ADPGK: variants seen among roughly 807,000 people sequenced by gnomAD.
The protein encoded by ADPGK is ADP dependent glucokinase.
In ADPGK, 26 loss-of-function variants were observed where a neutral mutation model predicts 42.4. The observed-to-expected ratio is 0.61, with a 90% confidence interval of 0.45 to 0.85. The LOEUF (loss-of-function observed/expected upper bound fraction) is 0.85. ADPGK is among the 40% of genes least tolerant of loss of function. The probability of loss-of-function intolerance (pLI) is 0.00; values close to 1 mark genes in which losing one functional copy is unlikely to be tolerated. For synonymous variants in ADPGK, 267 were observed against 252.6 expected (o/e 1.06, Z -0.54); for missense variants, 571 against 627.0 (o/e 0.91, Z 0.95).
At chr15:72,776,016 T>TTG (rs1225971929) in intron 1 of ADPGK, among the ~76,000 whole-genome samples, 3 of 152,212 alleles carry the variant, frequency 2.0e-5, no homozygotes, top group Non-Finnish European at 2.9e-5. Context: ...TTAAATACTT[T>TTG]TGTGCATGAA....
intron 6 of ADPGK, among the ~76,000 whole-genome samples, chr15:72,753,646 T>C (rs544288424): frequency 6.6e-6 from 1 of 152,220 alleles, no homozygotes; most frequent in Non-Finnish European, 1.5e-5. Context: ...TACATCTTTG[T>C]TGGAGCAATA....
At chr15:72,759,077 A>G (rs1443895182) in intron 4 of ADPGK, among the ~76,000 whole-genome samples, 1 of 152,188 alleles carries the variant, frequency 6.6e-6, no homozygotes, top group Non-Finnish European at 1.5e-5. Context: ...AGCTGGGATT[A>G]TAGGCGCCCG....
chr15:72,772,883 C>T lies in ADPGK; in HGVS notation c.460-1038G>A, dbSNP rs111979123. On this transcript the variant is annotated intron_variant, in intron 2 of 6. Transcript: ENST00000456471. The stretch of plus-strand genomic sequence containing the variant: ...TGTTGCTAAGGATGGATCCATATGC[C>T]TTGGAAATCTGACACATAACAGCTA... 2.6e-3 allele frequency among the ~76,000 whole-genome samples: 390 copies of T among 152,126 alleles called. 3 individuals are homozygous for T. Among genetic ancestry groups the T allele is most frequent in the African/African-American group, 8.9e-3 (369 of 41,482 alleles).
intron 1 of ADPGK, among the ~76,000 whole-genome samples, chr15:72,777,928 A>C (rs192413693): frequency 3.5e-4 from 54 of 152,180 alleles, no homozygotes; most frequent in Non-Finnish European, 6.5e-4. Context: ...AGACTGGTTC[A>C]CAGTTTACTT....
chr15:72,773,945 T>C (rs1022914381), intron 2 of ADPGK, among the ~76,000 whole-genome samples: 26 of 152,330 alleles, frequency 1.7e-4, no homozygotes, highest in Non-Finnish European at 1.9e-4. Context: ...CATGGTTCAC[T>C]GCAGCCTTGA....
At chr15:72,783,152 AGAG>A (rs1177652867) in intron 1 of ADPGK, 1 of 1,073,158 alleles carries the variant, frequency 9.3e-7, no homozygotes, top group Non-Finnish European at 1.2e-6. Flanking sequence ...AGTCGCCAGA[AGAG>A]AAGGGGCTAA....
In ADPGK at chr15:72,759,410, G is replaced by A. The variant is rs544470895; in HGVS notation, c.643+997C>T. On this transcript the variant is annotated intron_variant, in intron 4 of 6. Transcript: ENST00000456471. Reference sequence around the variant, plus strand: ...TTAAGTATGAATTGCCTACGTCAACGCTGTGTCCCTAATTTTCAGACCCTA... The same window carrying A: ...TTAAGTATGAATTGCCTACGTCAACACTGTGTCCCTAATTTTCAGACCCTA... Among the ~76,000 whole-genome samples the A allele has an allele frequency of 6.6e-5, 10 of 152,286 alleles. No individual in the cohort carries two copies. The South Asian group carries it at 1.2e-3, about 19-fold the overall frequency.
At chr15:72,761,112 C>A (rs1213295167) in intron 3 of ADPGK, among the ~76,000 whole-genome samples, 5 of 152,156 alleles carry the variant, frequency 3.3e-5, no homozygotes, top group African/African-American at 7.2e-5. Flanking sequence ...CTTGCTGGAA[C>A]CTTGTTCTGG....
chr15:72,783,701 G>A lies in ADPGK; in HGVS notation c.-10C>T, dbSNP rs575167722. ...CGCGCCACAGCGCCATGGGGACCCAGGCGCCGCACCTGCGCGAACCAACTC... is the reference window on the plus strand; with the variant it reads ...CGCGCCACAGCGCCATGGGGACCCAAGCGCCGCACCTGCGCGAACCAACTC... On this transcript the variant is annotated 5_prime_UTR_variant, in exon 1 of 7. Transcript: ENST00000456471. 1 of 1,465,452 alleles carries A rather than the reference G, an allele frequency of 6.8e-7. No individual in the cohort carries two copies. The highest frequency in any genetic ancestry group is 9.0e-7 in the Non-Finnish European group (1 of 1,115,456). 90.8% of individuals were successfully genotyped at this position (1,465,452 alleles called of 1,614,324 possible).
In ADPGK at chr15:72,771,774, T is replaced by C. The variant is rs745690854; in HGVS notation, c.522+9A>G. 6.2e-7 allele frequency: 1 copy of C among 1,610,884 alleles called. No homozygotes were observed. Among genetic ancestry groups the C allele is most frequent in the Admixed American group, 1.7e-5 (1 of 59,426 alleles). ...AAGGCATAGGTTTTAATCTAAAAAC[T>C]TGACCTACCTTTAAATCTGAGTTGG... On this transcript the variant is annotated intron_variant, in intron 3 of 6. Coordinates refer to ENST00000456471, the MANE Select transcript of ADPGK (RefSeq NM_001365225.1).
chr15:72,774,508 C>T (rs867599891), intron 2 of ADPGK, among the ~76,000 whole-genome samples: 2 of 152,196 alleles, frequency 1.3e-5, no homozygotes, highest in Non-Finnish European at 2.9e-5. Flanking sequence ...TTGGAAACCA[C>T]TAAGGTTCTA....
At chr15:72,776,537 T>C (rs370699101) in intron 1 of ADPGK, among the ~76,000 whole-genome samples, 2 of 152,358 alleles carry the variant, frequency 1.3e-5, no homozygotes, top group East Asian at 1.9e-4. Context: ...CCTTTTAGTC[T>C]CTTTCAAAAA....
rs777866743 is a variant in ADPGK, at chr15:72,755,522, G to A, written c.939+34C>T. ...AAAGCTTCTCTGCAAGGCTCTATGA[G>A]GATCAGGGCCAAACGATGGTCCCAT... On this transcript the variant is annotated intron_variant, in intron 6 of 6. Transcript: ENST00000456471. 26 of 1,531,878 alleles carry A rather than the reference G, an allele frequency of 1.7e-5. No individual in the cohort carries two copies. The East Asian group carries it at 4.9e-4, about 29-fold the overall frequency. The allele number at this position is 1,531,878 out of a possible 1,614,324, so 94.9% of individuals were successfully genotyped here. A position where few individuals can be genotyped will look rare whatever the true frequency, so the allele number is the denominator to read the frequency against.
chr15:72,766,786 T>A (rs953842209), intron 3 of ADPGK, among the ~76,000 whole-genome samples: 13 of 151,444 alleles, frequency 8.6e-5, no homozygotes, highest in Non-Finnish European at 1.9e-4. Flanking sequence ...ATGCAACCAC[T>A]AAGAAAAAAA....
At chr15:72,760,007 A>C (rs1163869376) in intron 4 of ADPGK, among the ~76,000 whole-genome samples, 3 of 152,246 alleles carry the variant, frequency 2.0e-5, no homozygotes, top group African/African-American at 7.2e-5. Flanking sequence ...AGCTTGGAAG[A>C]GTCAGTCAGA....
intron 6 of ADPGK, among the ~76,000 whole-genome samples, chr15:72,754,958 A>G (rs944171872): frequency 6.6e-6 from 1 of 152,230 alleles, no homozygotes; most frequent in African/African-American, 2.4e-5. Context: ...GGGAGACTTC[A>G]TTGTATATCT....
rs1039428142 is a variant in ADPGK, at chr15:72,783,608, T to C, written c.84A>G (p.Pro28=). The C allele has an allele frequency of 6.6e-7, 1 of 1,516,372 alleles. No homozygotes were observed. Among genetic ancestry groups the C allele is most frequent in the Admixed American group, 2.0e-5 (1 of 49,406 alleles). The allele number at this position is 1,516,372 out of a possible 1,614,324, so 93.9% of individuals were successfully genotyped here. A position where few individuals can be genotyped will look rare whatever the true frequency, so the allele number is the denominator to read the frequency against. The change falls in exon 1 of 7, where the codon CCA becomes CCG. Residue 28 remains proline (P), a synonymous_variant. Coordinates refer to ENST00000456471, the MANE Select transcript of ADPGK (RefSeq NM_001365225.1). ...TCCAGAGAGAGCGCAGCGCCGAGCC[T>C]GGCAGCTCTGGCTCCAGCAGGAAGA... ...GCVFLLEPEL[P]GSALRSLWSS...
chr15:72,777,842 A>T (rs1233918569), intron 1 of ADPGK, among the ~76,000 whole-genome samples: 2 of 152,208 alleles, frequency 1.3e-5, no homozygotes, highest in African/African-American at 2.4e-5. Flanking sequence ...GAGTTACAAA[A>T]TATCACTATC....
At chr15:72,777,950 A>G (rs2066409821) in intron 1 of ADPGK, among the ~76,000 whole-genome samples, 1 of 152,042 alleles carries the variant, frequency 6.6e-6, no homozygotes, top group African/African-American at 2.4e-5. Flanking sequence ...ATAACTTTTT[A>G]TAATTAAAAA....
Sources: gnomAD v4.1 joint callset for allele counts (sites outside exome capture counted in the v4.1 genomes callset) on GRCh38, gnomAD v4.1.1 for gene constraint, MANE v1.5 for transcripts, NCBI Gene and HGNC (gene_info 2026-07-23, HGNC 2026-07-21) for gene names.